TSHZ2: variants seen among roughly 807,000 people sequenced by gnomAD.
TSHZ2 encodes the protein teashirt zinc finger homeobox 2.
A neutral mutation model predicts 74.4 loss-of-function variants in TSHZ2; 21 were observed. The ratio of observed to expected loss-of-function variants is 0.28; its 90% CI spans 0.20 to 0.41. The LOEUF is 0.41. Ranked by LOEUF, TSHZ2 falls within the 10% of genes least tolerant of loss-of-function variation. TSHZ2 has a pLI of 1.00. For synonymous variants in TSHZ2, 540 were observed against 515.3 expected (o/e 1.05, Z -0.65); for missense variants, 1,244 against 1,293.5 (o/e 0.96, Z 0.59).
chr20:53,043,233 T>C (rs1291940531), intron 1 of TSHZ2, among the ~76,000 whole-genome samples: 1 of 152,216 alleles, frequency 6.6e-6, no homozygotes, highest in African/African-American at 2.4e-5. Flanking sequence ...GAAGTTTTTA[T>C]TCTGGGGAAG....
chr20:52,980,535 A>AC (rs762986534), intron 1 of TSHZ2, among the ~76,000 whole-genome samples: 40 of 152,190 alleles, frequency 2.6e-4, no homozygotes, highest in Middle Eastern at 6.8e-3. Flanking sequence ...CTCTAAAATC[A>AC]CCCCTGAGCT....
chr20:53,481,289 T>C (rs958562533), intron 2 of TSHZ2, among the ~76,000 whole-genome samples: 12 of 152,150 alleles, frequency 7.9e-5, no homozygotes, highest in Admixed American at 4.6e-4. Context: ...AGAAATAATT[T>C]GGCTAGGCAC....
intron 2 of TSHZ2, among the ~76,000 whole-genome samples, chr20:53,297,443 C>T (rs937124811): frequency 1.3e-5 from 2 of 152,012 alleles, no homozygotes; most frequent in Non-Finnish European, 2.9e-5. Context: ...CCGTCTTACC[C>T]AAGGTAGTCT....
chr20:53,191,929 G>A (rs1988745579), intron 1 of TSHZ2, among the ~76,000 whole-genome samples: 1 of 152,110 alleles, frequency 6.6e-6, no homozygotes. Context: ...TTTTTTGGAG[G>A]AGAGTGCTGA....
intron 1 of TSHZ2, among the ~76,000 whole-genome samples, chr20:53,001,236 G>GTGTATA (rs1982425218): frequency 9.2e-6 from 1 of 108,256 alleles, no homozygotes; most frequent in African/African-American, 3.0e-5. Flanking sequence ...GTGTGTGTGT[G>GTGTATA]TGTGTGTGTG....
At chr20:53,052,210 T>C (rs1262396597) in intron 1 of TSHZ2, among the ~76,000 whole-genome samples, 1 of 152,164 alleles carries the variant, frequency 6.6e-6, no homozygotes, top group Non-Finnish European at 1.5e-5. Flanking sequence ...TTTAGGTACC[T>C]CATGTACGTA....
At chr20:53,451,176 G>A (rs545618173) in intron 2 of TSHZ2, among the ~76,000 whole-genome samples, 2 of 152,170 alleles carry the variant, frequency 1.3e-5, no homozygotes, top group South Asian at 2.1e-4. Context: ...ATAGTACAAG[G>A]GTCCCCTATG....
intron 1 of TSHZ2, among the ~76,000 whole-genome samples, chr20:53,109,805 A>G (rs1456072476): frequency 2.0e-5 from 3 of 151,976 alleles, no homozygotes; most frequent in Non-Finnish European, 4.4e-5. Flanking sequence ...CTCCTTCCCA[A>G]GCTCTGTGAT....
chr20:53,425,306 T>C (rs1983616516), intron 2 of TSHZ2, among the ~76,000 whole-genome samples: 2 of 152,222 alleles, frequency 1.3e-5, no homozygotes, highest in African/African-American at 4.8e-5. Context: ...CCAAAATGAA[T>C]TAGATCTTAA....
chr20:53,077,849 A>G (rs192799360), intron 1 of TSHZ2, among the ~76,000 whole-genome samples: 50 of 152,350 alleles, frequency 3.3e-4, no homozygotes, highest in Admixed American at 7.2e-4. Flanking sequence ...CAAAGATGCA[A>G]TGGAAATTGG....
intron 1 of TSHZ2, among the ~76,000 whole-genome samples, chr20:53,082,595 G>GA (rs771237210): frequency 1.6e-4 from 24 of 152,218 alleles, no homozygotes; most frequent in Non-Finnish European, 2.6e-4. Context: ...TTAGCTGGAT[G>GA]AACTCATTTT....
chr20:53,469,047 A>T (rs6091678), intron 2 of TSHZ2, among the ~76,000 whole-genome samples: 1,526 of 57,440 alleles, frequency 0.027, 29 homozygotes, highest in East Asian at 0.076. Flanking sequence ...TCGATATTTT[A>T]TATATATATA....
At chr20:53,331,456 C>A (rs1461598429) in intron 2 of TSHZ2, among the ~76,000 whole-genome samples, 2 of 152,048 alleles carry the variant, frequency 1.3e-5, no homozygotes, top group African/African-American at 4.8e-5. Context: ...CAGGGGGAAC[C>A]AAAATCCTGA....
At chr20:53,151,834 G>GATACATAT (rs1987683882) in intron 1 of TSHZ2, among the ~76,000 whole-genome samples, 1 of 152,062 alleles carries the variant, frequency 6.6e-6, no homozygotes, top group African/African-American at 2.4e-5. Context: ...GATACCATTG[G>GATACATAT]TGATTATTCT....
intron 2 of TSHZ2, among the ~76,000 whole-genome samples, chr20:53,385,705 G>A (rs982200718): frequency 1.3e-5 from 2 of 152,154 alleles, no homozygotes; most frequent in East Asian, 1.9e-4. Context: ...CTTGGTCCAC[G>A]GGGAGCTTCA....
intron 1 of TSHZ2, among the ~76,000 whole-genome samples, chr20:52,984,384 T>C (rs1981675617): frequency 6.6e-6 from 1 of 152,028 alleles, no homozygotes; most frequent in South Asian, 2.1e-4. Context: ...GAAGTGGCTG[T>C]TTTGGATAAG....
chr20:53,209,988 C>T (rs1989261499), intron 1 of TSHZ2, among the ~76,000 whole-genome samples: 2 of 152,196 alleles, frequency 1.3e-5, no homozygotes, highest in Admixed American at 6.5e-5. Flanking sequence ...TCTACAAATG[C>T]GTTTCAATTT....
At chr20:53,436,542 A>AT (rs1227006046) in intron 2 of TSHZ2, among the ~76,000 whole-genome samples, 3,828 of 98,254 alleles carry the variant, frequency 0.039, 125 homozygotes, top group African/African-American at 0.065. Context: ...TATTATTATT[A>AT]TTATTATTTT....
chr20:53,293,080 C>A (rs1387645588), intron 2 of TSHZ2, among the ~76,000 whole-genome samples: 2 of 152,184 alleles, frequency 1.3e-5, no homozygotes, highest in African/African-American at 4.8e-5. Flanking sequence ...TGAAACCCAC[C>A]ACCATTAGCA....
Sources: allele counts gnomAD v4.1 joint callset (sites outside exome capture counted in the v4.1 genomes callset), GRCh38; gene constraint gnomAD v4.1.1; transcripts MANE v1.5; gene names NCBI Gene and HGNC (gene_info 2026-07-23, HGNC 2026-07-21).